The following HSPA12A variants were observed in gnomAD, a reference collection of about 807,000 sequenced individuals.
HSPA12A encodes the protein heat shock 70 kDa protein 12A.
A neutral mutation model predicts 69.2 loss-of-function variants in HSPA12A; 28 were observed. The observed-to-expected ratio is 0.40, with a 90% CI of 0.30 to 0.55. The LOEUF (loss-of-function observed/expected upper bound fraction) is 0.55. Ranked by LOEUF, HSPA12A falls within the 20% of genes least tolerant of loss-of-function variation. The pLI, the probability that HSPA12A is intolerant of heterozygous loss-of-function variation, is 0.38. For missense variants in HSPA12A, 686 were observed against 900.7 expected, an observed-to-expected ratio of 0.76 and a Z score of 3.05; for synonymous variants, 345 against 370.5, an observed-to-expected ratio of 0.93 and a Z score of 0.79.
At chr10:116,844,769 C>A (rs1845852997) in intron 1 of HSPA12A, among the ~76,000 whole-genome samples, 1 of 152,074 alleles carries the variant, frequency 6.6e-6, no homozygotes, top group South Asian at 2.1e-4. Flanking sequence ...ATAGCAACCC[C>A]AAAATAACAT....
chr10:116,797,507 T>C (rs1844855188), intron 2 of HSPA12A, among the ~76,000 whole-genome samples: 1 of 152,196 alleles, frequency 6.6e-6, no homozygotes. Flanking sequence ...TGTTTGAGTG[T>C]GTGTGTTGGC....
rs1215718243 is a variant in HSPA12A at position 116,675,139 on chromosome 10, A to T, written c.1670T>A (p.Val557Glu). 1 of 1,613,882 alleles carries T rather than the reference A, an allele frequency of 6.2e-7. No homozygotes were observed. The highest frequency in any genetic ancestry group is 1.3e-5 in the African/African-American group (1 of 74,936). ...EGKHPPEKLL[V>E]KDGTRWCTDV... ...GGTGCACCACCGAGTGCCATCCTTC[A>T]CCAGCAGCTTCTCAGGCGGGTGCTT... Residue 557 changes from valine to glutamate, a missense_variant, in exon 12 of 12, where the codon GTG (valine) becomes GAG (glutamate). By Grantham distance (121) the Val-to-Glu change is moderately radical. Coordinates refer to ENST00000369209, the MANE Select transcript of HSPA12A (RefSeq NM_025015.3). This position sits in a 1 kb window ranked among gnomAD's most constrained non-coding sequence, Gnocchi z 5.2.
At chr10:116,786,058 C>T (rs1011117323) in intron 2 of HSPA12A, among the ~76,000 whole-genome samples, 2 of 152,200 alleles carry the variant, frequency 1.3e-5, no homozygotes, top group African/African-American at 4.8e-5. Context: ...ATCTTTGTAG[C>T]TTCATGAGGT....
chr10:116,815,192 G>A (rs963990341), intron 2 of HSPA12A, among the ~76,000 whole-genome samples: 2 of 141,200 alleles, frequency 1.4e-5, no homozygotes, highest in Non-Finnish European at 3.0e-5. Flanking sequence ...TCCAACTTTG[G>A]GTCACCTATA....
At chr10:116,718,827 G>A (rs141859706) in intron 1 of HSPA12A, among the ~76,000 whole-genome samples, 102 of 151,950 alleles carry the variant, frequency 6.7e-4, no homozygotes, top group African/African-American at 2.2e-3. Context: ...TAAGTTTCCC[G>A]CAAGTAAAGC....
intron 3 of HSPA12A, among the ~76,000 whole-genome samples, chr10:116,701,389 T>G (rs146090721): frequency 3.4e-4 from 52 of 152,368 alleles, no homozygotes; most frequent in African/African-American, 1.2e-3. Flanking sequence ...ACTCTAAGCA[T>G]CTACATGTTT....
At chr10:116,692,686 G>A (rs1457995169) in intron 5 of HSPA12A, among the ~76,000 whole-genome samples, 3 of 152,184 alleles carry the variant, frequency 2.0e-5, no homozygotes, top group African/African-American at 7.2e-5. Context: ...GGGACCGTGG[G>A]CTGGAGAAAG....
At chr10:116,790,589 CA>C (rs966230216) in intron 2 of HSPA12A, among the ~76,000 whole-genome samples, 3 of 152,208 alleles carry the variant, frequency 2.0e-5, no homozygotes, top group East Asian at 1.9e-4. Flanking sequence ...TGGCTTCATT[CA>C]CAGCCCAGCT....
At chr10:116,816,856 T>C (rs1845316450) in intron 2 of HSPA12A, among the ~76,000 whole-genome samples, 1 of 152,162 alleles carries the variant, frequency 6.6e-6, no homozygotes, top group African/African-American at 2.4e-5. Context: ...AACAACACCT[T>C]TGCTCAGTAT....
chr10:116,709,038 G>A (rs190196248), intron 1 of HSPA12A, among the ~76,000 whole-genome samples: 185 of 149,162 alleles, frequency 1.2e-3, no homozygotes, highest in African/African-American at 4.4e-3. Flanking sequence ...TCCACTCCTA[G>A]GTATCTACCC....
At chr10:116,788,089 G>A (rs897164523) in intron 2 of HSPA12A, among the ~76,000 whole-genome samples, 2 of 152,194 alleles carry the variant, frequency 1.3e-5, no homozygotes, top group Non-Finnish European at 2.9e-5. Context: ...GCAGAGGAAG[G>A]AAAAATATCT....
chr10:116,768,578 A>G (rs1844131373), intron 2 of HSPA12A, among the ~76,000 whole-genome samples: 1 of 152,170 alleles, frequency 6.6e-6, no homozygotes, highest in South Asian at 2.1e-4. Context: ...GAGTGGTGCA[A>G]TCATGGCTCA....
intron 1 of HSPA12A, among the ~76,000 whole-genome samples, chr10:116,713,661 C>T (rs782820385): frequency 6.6e-5 from 10 of 152,168 alleles, no homozygotes; most frequent in Non-Finnish European, 1.2e-4. Context: ...AGGGGTGGTT[C>T]ACAGTCTCTC....
At chr10:116,772,596 T>C (rs1038146742) in intron 2 of HSPA12A, among the ~76,000 whole-genome samples, 4 of 152,204 alleles carry the variant, frequency 2.6e-5, no homozygotes, top group South Asian at 2.1e-4. Context: ...GCTCCAAAGT[T>C]CCAAGTTTTA....
chr10:116,801,544 A>T (rs1163250172), intron 2 of HSPA12A, among the ~76,000 whole-genome samples: 1 of 152,172 alleles, frequency 6.6e-6, no homozygotes, highest in African/African-American at 2.4e-5. Context: ...GAAAAAACGA[A>T]CAGCTGCCTT....
At chr10:116,836,799 AC>A (rs1845720769) in intron 1 of HSPA12A, among the ~76,000 whole-genome samples, 1 of 151,758 alleles carries the variant, frequency 6.6e-6, no homozygotes, top group Non-Finnish European at 1.5e-5. Context: ...ACACACACAC[AC>A]ACAAACTCCT....
chr10:116,702,317 C>T (rs1005972191), intron 3 of HSPA12A, among the ~76,000 whole-genome samples: 1 of 152,110 alleles, frequency 6.6e-6, no homozygotes, highest in Non-Finnish European at 1.5e-5. Flanking sequence ...CATGCACAGC[C>T]CGTGCGCCCT....
At chr10:116,774,255 C>T (rs1020377084) in intron 2 of HSPA12A, among the ~76,000 whole-genome samples, 15 of 152,080 alleles carry the variant, frequency 9.9e-5, no homozygotes, top group African/African-American at 3.4e-4. Context: ...GTGATCCGCC[C>T]GCCTCGGCCT....
At chr10:116,742,340 G>A in intron 1 of HSPA12A, 90 bp downstream of exon 1, 1 of 1,291,476 alleles carries the variant, frequency 7.7e-7, no homozygotes, top group Non-Finnish European at 1.0e-6. Flanking sequence ...TTTCCACGGC[G>A]CGCGAGGGGG....
Sources: gnomAD v4.1 joint callset for allele counts (sites outside exome capture counted in the v4.1 genomes callset) on GRCh38, gnomAD v4.1.1 for gene constraint, Gnocchi (gnomAD v3.1) non-coding constraint, MANE v1.5 for transcripts, NCBI Gene and HGNC (gene_info 2026-07-23, HGNC 2026-07-21) for gene names.